Variants in ZDHHC11 observed in about 807,000 individuals in gnomAD.
ZDHHC11 encodes the protein zDHHC palmitoyltransferase 11, also known as palmitoyltransferase ZDHHC11.
Under a neutral mutation model 51.3 loss-of-function variants are expected in ZDHHC11, and 44 were observed. That is an observed-to-expected ratio of 0.86 (90% CI 0.67 to 1.10). The LOEUF is 1.10. Ranked by LOEUF, ZDHHC11 falls within the 50% of genes least tolerant of loss-of-function variation. The probability of loss-of-function intolerance (pLI) is 0.00; values close to 1 mark genes in which losing one functional copy is unlikely to be tolerated. For synonymous variants in ZDHHC11, 163 were observed against 222.0 expected, an observed-to-expected ratio of 0.73 and a Z score of 2.36; for missense variants, 400 against 537.7, an observed-to-expected ratio of 0.74 and a Z score of 2.53.
chr5:813,809 G>C (rs1463282591), intron 11 of ZDHHC11, among the ~76,000 whole-genome samples: 1 of 147,922 alleles, frequency 6.8e-6, no homozygotes, highest in Non-Finnish European at 1.5e-5. Context: ...AGGCAGGCTG[G>C]GGACTGAGAT....
At position 849,217 on chromosome 5, in the gene ZDHHC11, G is replaced by A. The variant is rs529056900; in HGVS notation, c.223-557C>T. Among the ~76,000 whole-genome samples, 27 of 152,196 alleles carry A rather than the reference G, an allele frequency of 1.8e-4. 1 individual carries two copies. Among genetic ancestry groups the A allele is most frequent in the Middle Eastern group, 3.4e-3 (1 of 294 alleles). ...GTCGGGGACCGGGAAGGCTGCCCCC[G>A]TGCCCCTTTTGGTTCATCCCTGTTG... On this transcript the variant is annotated intron_variant, in intron 1 of 12. Coordinates refer to ENST00000283441, the MANE Select transcript of ZDHHC11 (RefSeq NM_024786.3).
intron 3 of ZDHHC11, among the ~76,000 whole-genome samples, chr5:844,271 G>A (rs892344864): frequency 1.6e-4 from 25 of 152,296 alleles, no homozygotes; most frequent in Non-Finnish European, 1.8e-4. Context: ...CACACCGCCC[G>A]ACAATTCAGG....
chr5:814,218 G>A (rs1456860633), intron 11 of ZDHHC11, among the ~76,000 whole-genome samples: 1 of 149,056 alleles, frequency 6.7e-6, no homozygotes, highest in Admixed American at 6.8e-5. Flanking sequence ...GGAAGAATAT[G>A]CATTTGTCAT....
At chr5:840,850 C>G in intron 4 of ZDHHC11, 200 bp from the exon 5 acceptor site, 3 of 1,464,490 alleles carry the variant, frequency 2.0e-6, no homozygotes, top group Admixed American at 4.7e-5. Flanking sequence ...TTCATGATCC[C>G]TGCTTTATGG....
Position 795,910 on chromosome 5 carries a change from A to C in ZDHHC11, c.*678T>G, listed in dbSNP as rs1249295723. 2.3e-5 allele frequency: 2 copies of C among 87,064 alleles called. No homozygotes were observed. The highest frequency in any genetic ancestry group is 4.0e-5 in the Non-Finnish European group (2 of 49,558). 5.4% of individuals were successfully genotyped at this position (87,064 alleles called of 1,614,324 possible). On this transcript the variant is annotated 3_prime_UTR_variant, in exon 13 of 13. Coordinates refer to ENST00000283441, the MANE Select transcript of ZDHHC11 (RefSeq NM_024786.3). ...GTACTGTGGGCTCCCATTTCCCAGT[A>C]CTGTGCTCCCATTTCCCAGTACTGT...
intron 4 of ZDHHC11, chr5:841,757 G>A (rs1444632052): frequency 1.0e-6 from 1 of 995,296 alleles, no homozygotes; most frequent in African/African-American, 1.7e-5. Context: ...CCAAAAATCA[G>A]GCGTAATGCA....
chr5:801,057 C>T (rs10462848), intron 12 of ZDHHC11, 43 bp downstream of exon 12: 176,904 of 1,601,320 alleles, frequency 0.11, 14,438 homozygotes, highest in East Asian at 0.38. Flanking sequence ...GAGAACCAAA[C>T]TTGGGTAGAT....
chr5:811,499 G>A (rs1312188248), intron 11 of ZDHHC11, among the ~76,000 whole-genome samples: 3 of 147,762 alleles, frequency 2.0e-5, no homozygotes, highest in African/African-American at 5.2e-5. Flanking sequence ...TGGAGAACCC[G>A]GCTGGCCTTC....
At chr5:852,995 C>CAG (rs1747505592), upstream of ZDHHC11, among the ~76,000 whole-genome samples, 2 of 143,784 alleles carry the variant, frequency 1.4e-5, no homozygotes, top group African/African-American at 2.6e-5. Flanking sequence ...GGACAGCGAG[C>CAG]CAGGGGGACA....
intron 3 of ZDHHC11, among the ~76,000 whole-genome samples, chr5:844,159 C>G (rs1419460320): frequency 6.7e-6 from 1 of 149,578 alleles, no homozygotes; most frequent in African/African-American, 2.5e-5. Context: ...CTCCCGACCG[C>G]GCCTGGAAGC....
At chr5:809,560 C>A (rs1739817923) in intron 11 of ZDHHC11, among the ~76,000 whole-genome samples, 3 of 148,946 alleles carry the variant, frequency 2.0e-5, no homozygotes, top group African/African-American at 7.5e-5. Flanking sequence ...ACCGGATCTG[C>A]CGGCGCCTTG....
chr5:822,200 T>C (rs149956560), intron 8 of ZDHHC11, among the ~76,000 whole-genome samples: 3,779 of 150,278 alleles, frequency 0.025, 205 homozygotes, highest in African/African-American at 0.08. Flanking sequence ...GATGAGGCTA[T>C]TAGAGTGAGC....
At chr5:835,465 T>C (rs1386209952) in intron 6 of ZDHHC11, among the ~76,000 whole-genome samples, 1 of 151,832 alleles carries the variant, frequency 6.6e-6, no homozygotes, top group Non-Finnish European at 1.5e-5. Context: ...TCTCTCTCTC[T>C]GTCAGCGCCA....
chr5:825,171 G>T lies in ZDHHC11; in HGVS notation c.1016C>A (p.Thr339Lys), dbSNP rs2335585. The change falls in exon 8 of 13, where the codon ACG becomes AAG. Residue 339 changes from threonine to lysine, a missense_variant. This residue lies in a region of ZDHHC11 where 231 missense variants were observed against 227.4 expected (regional missense o/e 1.02). Transcript: ENST00000283441. The part of the protein sequence containing the change: ...CTSVNQDGDS[T>K]AREGDEDPCP... ...CTGGTGACTGCAACTTACCCGTGCC[G>T]TCGAATCCCCATCCTGGTTTACTGA... is the stretch of plus-strand genomic sequence containing the variant. 64,866 of 1,476,230 alleles carry T rather than the reference G, an allele frequency of 0.044. 980 individuals are homozygous for T. The highest frequency in any genetic ancestry group is 0.062 in the African/African-American group (3,536 of 57,370). The allele number at this position is 1,476,230 out of a possible 1,614,324, so 91.4% of individuals were successfully genotyped here.
chr5:796,960 C>A (rs571183917), intron 12 of ZDHHC11, among the ~76,000 whole-genome samples: 1 of 152,044 alleles, frequency 6.6e-6, no homozygotes, highest in African/African-American at 2.4e-5. Flanking sequence ...GTAATCCCAG[C>A]ACTTTGGGAG....
chr5:806,053 T>A (rs1561232756), intron 11 of ZDHHC11, among the ~76,000 whole-genome samples: 1 of 150,894 alleles, frequency 6.6e-6, no homozygotes, highest in Non-Finnish European at 1.5e-5. Context: ...GGTGGGAGAA[T>A]GGGGGAGGTG....
intron 11 of ZDHHC11, among the ~76,000 whole-genome samples, chr5:802,366 GA>G (rs1463166088): frequency 6.6e-6 from 1 of 151,320 alleles, no homozygotes; most frequent in African/African-American, 2.4e-5. Context: ...AAAAATTACT[GA>G]GAATAAAGAG....
intron 5 of ZDHHC11, chr5:840,284 G>A (rs746618833): frequency 2.4e-6 from 2 of 824,828 alleles, no homozygotes; most frequent in South Asian, 1.4e-5. Context: ...GGTCCTCATG[G>A]ATTTAATTTC....
chr5:802,725 G>A (rs1430334968), intron 11 of ZDHHC11, among the ~76,000 whole-genome samples: 1 of 149,028 alleles, frequency 6.7e-6, no homozygotes, highest in Non-Finnish European at 1.5e-5. Context: ...TGTAATCCCA[G>A]CACTTTGGGA....
Sources: allele counts gnomAD v4.1 joint callset (sites outside exome capture counted in the v4.1 genomes callset), GRCh38; gene constraint gnomAD v4.1.1; regional missense constraint gnomAD v4.1.1; transcripts MANE v1.5; gene names NCBI Gene and HGNC (gene_info 2026-07-23, HGNC 2026-07-21).